The following RAPGEF2 variants were observed in gnomAD, a reference collection of about 807,000 sequenced individuals.
The protein encoded by RAPGEF2 is PDZ domain containing guanine nucleotide exchange factor (GEF) 1.
A neutral mutation model predicts 186.7 loss-of-function variants in RAPGEF2; 54 were observed. The observed-to-expected ratio is 0.29, with a 90% CI of 0.23 to 0.36. RAPGEF2 has a LOEUF of 0.36. Among genes scored for constraint, RAPGEF2 ranks in the 10% least tolerant of loss-of-function variants. The pLI, the probability that RAPGEF2 is intolerant of heterozygous loss-of-function variation, is 1.00. For synonymous variants in RAPGEF2, 712 were observed against 705.9 expected (o/e 1.01, Z -0.14); for missense variants, 1,532 against 2,045.0 (o/e 0.75, Z 4.84).
chr4:159,357,229 C>T (rs946611882), intron 29 of RAPGEF2, among the ~76,000 whole-genome samples: 2 of 152,098 alleles, frequency 1.3e-5, no homozygotes, highest in African/African-American at 2.4e-5. Flanking sequence ...GGCGTGGTGG[C>T]GTGTGCCAAT....
At chr4:159,104,489 C>CGAGAGAGAGA (rs553251268) in intron 1 of RAPGEF2, among the ~76,000 whole-genome samples, 1,496 of 88,680 alleles carry the variant, frequency 0.017, 36 homozygotes, top group Middle Eastern at 0.028. Context: ...GTTGCCCAGC[C>CGAGAGAGAGA]GAGAGAGAGA....
At chr4:159,284,571 C>T (rs1417852268) in intron 7 of RAPGEF2, among the ~76,000 whole-genome samples, 1 of 151,612 alleles carries the variant, frequency 6.6e-6, no homozygotes, top group Admixed American at 6.6e-5. Flanking sequence ...GTGGGGGATA[C>T]GCAGTGCCTG....
intron 2 of RAPGEF2, among the ~76,000 whole-genome samples, chr4:159,188,914 G>C (rs1747831446): frequency 6.6e-6 from 1 of 152,172 alleles, no homozygotes; most frequent in Non-Finnish European, 1.5e-5. Flanking sequence ...TCTTATGCTT[G>C]TGTTGAAGTC....
chr4:159,202,727 G>A (rs916721465), intron 3 of RAPGEF2, among the ~76,000 whole-genome samples: 9 of 152,010 alleles, frequency 5.9e-5, no homozygotes, highest in African/African-American at 1.5e-4. Flanking sequence ...TCAGCCTCCC[G>A]AATAGTTGGG....
intron 7 of RAPGEF2, among the ~76,000 whole-genome samples, chr4:159,291,034 A>T (rs1168789061): frequency 6.6e-6 from 1 of 152,234 alleles, no homozygotes; most frequent in Non-Finnish European, 1.5e-5. Flanking sequence ...AAAAGGAAAA[A>T]TTGATAGACA....
Position 159,304,325 on chromosome 4 carries a change from T to C in RAPGEF2, c.544-17T>C. 1 of 1,584,988 alleles carries C rather than the reference T, an allele frequency of 6.3e-7. No individual in the cohort carries two copies. The highest frequency in any genetic ancestry group is 8.6e-7 in the Non-Finnish European group (1 of 1,160,168). ...TGATTCAGATTGTAATCCTAGTTTT[T>C]CCTGCTCCTTCCATAGCTTCCTGCA... is the stretch of plus-strand genomic sequence containing the variant. On this transcript the variant is annotated splice_polypyrimidine_tract_variant and intron_variant, in intron 7 of 29. Coordinates refer to ENST00000691494, the MANE Select transcript of RAPGEF2 (RefSeq NM_001394067.2).
chr4:159,347,356 A>G (rs929271718), intron 25 of RAPGEF2, among the ~76,000 whole-genome samples: 7 of 152,248 alleles, frequency 4.6e-5, no homozygotes, highest in Non-Finnish European at 1.0e-4. Flanking sequence ...TAAGCAGAAT[A>G]TTTTTAAGTT....
At chr4:159,199,567 T>A (rs1272463308) in intron 3 of RAPGEF2, among the ~76,000 whole-genome samples, 1 of 152,202 alleles carries the variant, frequency 6.6e-6, no homozygotes. Flanking sequence ...AATGGCTGGT[T>A]ACACATCATC....
At chr4:159,255,120 T>C (rs1443657390) in intron 7 of RAPGEF2, among the ~76,000 whole-genome samples, 2 of 152,184 alleles carry the variant, frequency 1.3e-5, no homozygotes, top group African/African-American at 4.8e-5. Flanking sequence ...AGCAATAGGC[T>C]ATCCCAAAGA....
In RAPGEF2 at chr4:159,341,895, G is replaced by A; in HGVS notation, c.2866G>A (p.Ala956Thr). The A allele has an allele frequency of 1.2e-6, 2 of 1,612,508 alleles. No homozygotes were observed. The highest frequency in any genetic ancestry group is 8.5e-7 in the Non-Finnish European group (1 of 1,179,484). ...GATCATTAAGCATTTCATCAAGATA[G>A]CACTGCACTGTAGGGAATGCAAGAA... The part of the protein sequence containing the change: ...MKIIKHFIKI[A>T]LHCRECKNFN... Residue 956 changes from alanine to threonine, a missense_variant, in exon 20 of 30, where the codon GCA becomes ACA. Transcript: ENST00000691494.
intron 4 of RAPGEF2, among the ~76,000 whole-genome samples, chr4:159,222,943 C>T (rs1751676709): frequency 6.6e-6 from 1 of 151,168 alleles, no homozygotes; most frequent in African/African-American, 2.4e-5. Flanking sequence ...TATTTGAAGA[C>T]AAGAAAATCA....
chr4:159,186,604 G>C (rs931607398), intron 1 of RAPGEF2, 38 bp from the exon 2 acceptor site: 10 of 1,128,838 alleles, frequency 8.9e-6, no homozygotes, highest in African/African-American at 6.4e-5. Context: ...CCCTTTTCCT[G>C]ACAGGTCTAA....
chr4:159,342,090 A>C, intron 20 of RAPGEF2, 143 bp downstream of exon 20: 1 of 839,216 alleles, frequency 1.2e-6, no homozygotes, highest in African/African-American at 1.8e-5. Flanking sequence ...CTGAATCCTA[A>C]CCTTAATCCT....
chr4:159,210,087 T>C (rs2111369969), intron 3 of RAPGEF2, among the ~76,000 whole-genome samples: 1 of 152,298 alleles, frequency 6.6e-6, no homozygotes, highest in East Asian at 1.9e-4. Context: ...AAAGAAATTC[T>C]AAAAGAATAC....
At chr4:159,164,155 C>T (rs1453736194) in intron 1 of RAPGEF2, among the ~76,000 whole-genome samples, 1 of 152,084 alleles carries the variant, frequency 6.6e-6, no homozygotes, top group Non-Finnish European at 1.5e-5. Context: ...CAGGCGCCCA[C>T]CACCACACCC....
chr4:159,288,694 C>T (rs1388731635), intron 7 of RAPGEF2, among the ~76,000 whole-genome samples: 2 of 152,302 alleles, frequency 1.3e-5, no homozygotes, highest in East Asian at 1.9e-4. Context: ...GCCTTTCTCA[C>T]GCCTTACCTT....
chr4:159,179,962 C>A (rs1746837619), intron 1 of RAPGEF2, among the ~76,000 whole-genome samples: 1 of 152,110 alleles, frequency 6.6e-6, no homozygotes, highest in Admixed American at 6.5e-5. Flanking sequence ...AGATTGCCTG[C>A]CTTTAATTCT....
chr4:159,231,460 A>G (rs1197052758), intron 4 of RAPGEF2, among the ~76,000 whole-genome samples: 2 of 152,112 alleles, frequency 1.3e-5, no homozygotes, highest in Non-Finnish European at 2.9e-5. Flanking sequence ...AGTTTCTCAC[A>G]TGAATCATAT....
Position 159,104,056 on chromosome 4 carries a change from C to A in RAPGEF2, c.-107C>A. On this transcript the variant is annotated 5_prime_UTR_variant, in exon 1 of 30. Coordinates refer to ENST00000691494, the MANE Select transcript of RAPGEF2 (RefSeq NM_001394067.2). The stretch of plus-strand genomic sequence containing the variant: ...CCGCCGCGGTTTGGCTGATTAGTCG[C>A]GGGCGGGCGGGCGGGCGCAGCGCGC... 2.1e-6 allele frequency: 1 copy of A among 469,316 alleles called. No homozygotes were observed. Among genetic ancestry groups the A allele is most frequent in the Non-Finnish European group, 2.9e-6 (1 of 345,120 alleles). 29.1% of individuals were successfully genotyped at this position (469,316 alleles called of 1,614,324 possible). A position where few individuals can be genotyped will look rare whatever the true frequency, so the allele number is the denominator to read the frequency against.
Sources: gnomAD v4.1 joint callset for allele counts (sites outside exome capture counted in the v4.1 genomes callset) on GRCh38, gnomAD v4.1.1 for gene constraint, MANE v1.5 for transcripts, NCBI Gene and HGNC (gene_info 2026-07-23, HGNC 2026-07-21) for gene names.